DAD1: variants seen among roughly 807,000 people sequenced by gnomAD.
DAD1 encodes the protein dolichyl-diphosphooligosaccharide--protein glycosyltransferase subunit DAD1.
A neutral mutation model predicts 9.0 loss-of-function variants in DAD1; 4 were observed. That is an observed-to-expected ratio of 0.44 (90% CI 0.22 to 1.01). DAD1 has a LOEUF of 1.01. Among genes scored for constraint, DAD1 ranks in the 50% least tolerant of loss-of-function variants. The pLI is 0.24. For missense variants in DAD1, 119 were observed against 137.3 expected, an observed-to-expected ratio of 0.87 and a Z score of 0.67; for synonymous variants, 60 against 62.5, an observed-to-expected ratio of 0.96 and a Z score of 0.19.
At chr14:22,572,681 T>A (rs17119928) in intron 2 of DAD1, among the ~76,000 whole-genome samples, 4 of 152,172 alleles carry the variant, frequency 2.6e-5, no homozygotes, top group African/African-American at 7.2e-5. Flanking sequence ...CAGTAGAGTC[T>A]TCCTCCAATC....
chr14:22,568,117 G>GT (rs5742851), intron 2 of DAD1, among the ~76,000 whole-genome samples: 14,299 of 152,212 alleles, frequency 0.094, 1,239 homozygotes, highest in African/African-American at 0.23. Context: ...CTGTTATCCA[G>GT]TTCCCCCTCA....
At chr14:22,577,056 G>A (rs899565645) in intron 1 of DAD1, among the ~76,000 whole-genome samples, 7 of 152,140 alleles carry the variant, frequency 4.6e-5, no homozygotes, top group South Asian at 2.1e-4. Context: ...ACAGTACTGC[G>A]TTTCCTCAAA....
chr14:22,583,553 A>T (rs1434874481), intron 1 of DAD1, among the ~76,000 whole-genome samples: 2 of 152,182 alleles, frequency 1.3e-5, no homozygotes, highest in Admixed American at 6.5e-5. Context: ...TCTTTCAAGA[A>T]ATTCTGTAAT....
chr14:22,586,078 C>T (rs949971890), intron 1 of DAD1, among the ~76,000 whole-genome samples: 3 of 152,104 alleles, frequency 2.0e-5, no homozygotes, highest in South Asian at 2.1e-4. Context: ...TGGTGGCAGG[C>T]GCCTGCAGTC....
chr14:22,573,546 T>TA lies in DAD1; in HGVS notation c.*44+1512dup, dbSNP rs570492066. Among the ~76,000 whole-genome samples the TA allele has an allele frequency of 7.9e-4, 120 of 151,648 alleles. 1 individual carries two copies. Among genetic ancestry groups the TA allele is most frequent in the African/African-American group, 2.6e-3 (108 of 41,390 alleles). ...TAACACGGTGAAACTCCGTCTCTAC[T>TA]AAAAATACAAAAAATTAGCCGGGCG... On this transcript the variant is annotated intron_variant, in intron 2 of 2. Transcript: ENST00000250498.
At chr14:22,579,839 C>T (rs59328419) in intron 1 of DAD1, among the ~76,000 whole-genome samples, 15,078 of 105,132 alleles carry the variant, frequency 0.14, 857 homozygotes, top group South Asian at 0.23. Context: ...AAAAGCCAAT[C>T]CTTTTTTTTT....
chr14:22,582,440 C>T (rs979553206), intron 1 of DAD1, among the ~76,000 whole-genome samples: 3 of 151,066 alleles, frequency 2.0e-5, no homozygotes, highest in African/African-American at 7.3e-5. Context: ...AGGAGAATGG[C>T]GTGAACCCGG....
chr14:22,566,427 C>T (rs1174706328), intron 2 of DAD1, among the ~76,000 whole-genome samples: 3 of 152,132 alleles, frequency 2.0e-5, no homozygotes, highest in East Asian at 1.9e-4. Flanking sequence ...CTCCGCCTCC[C>T]GGGTTCAGGC....
intron 2 of DAD1, among the ~76,000 whole-genome samples, chr14:22,565,506 C>T (rs887048442): frequency 1.3e-5 from 2 of 152,102 alleles, no homozygotes; most frequent in Non-Finnish European, 2.9e-5. Flanking sequence ...ACCTAAAGAG[C>T]TTTCTGGAAT....
rs780304717 is a variant in DAD1 at position 22,588,978 on chromosome 14, G to T, written c.180C>A (p.Phe60Leu). Residue 60 changes from phenylalanine (F) to leucine (L), a missense_variant, in exon 1 of 3, where the codon TTC (phenylalanine) becomes TTA (leucine). By Grantham distance (22) the Phe-to-Leu change is conservative. Transcript: ENST00000250498. ...GGATGAAACTCCCCACACAAGAGAT[G>T]AAGCCCGAGAGAAAAGAGTTGAAGG... ...TFPFNSFLSGFISCVGSFILA... is the reference protein window; with the variant it reads ...TFPFNSFLSGLISCVGSFILA... 1.2e-6 allele frequency: 2 copies of T among 1,614,196 alleles called. No individual in the cohort carries two copies. The highest frequency in any genetic ancestry group is 2.2e-5 in the South Asian group (2 of 91,084).
At chr14:22,568,723 T>G (rs5742843) in intron 2 of DAD1, among the ~76,000 whole-genome samples, 14,021 of 147,392 alleles carry the variant, frequency 0.095, 1,196 homozygotes, top group African/African-American at 0.23. Context: ...TTGAGACAGG[T>G]TCTCACTCTG....
At chr14:22,588,762 A>G (rs2037171228) in intron 1 of DAD1, among the ~76,000 whole-genome samples, 185 bp downstream of exon 1, 2 of 152,184 alleles carry the variant, frequency 1.3e-5, no homozygotes, top group African/African-American at 4.8e-5. Context: ...ACTCCTACGG[A>G]GCCGTTTGGT....
chr14:22,572,024 G>A (rs1280718367), intron 2 of DAD1, among the ~76,000 whole-genome samples: 1 of 152,084 alleles, frequency 6.6e-6, no homozygotes, highest in African/African-American at 2.4e-5. Flanking sequence ...AAATGATATA[G>A]AACAAGAAGT....
intron 1 of DAD1, among the ~76,000 whole-genome samples, chr14:22,588,080 C>T (rs748634849): frequency 2.0e-5 from 3 of 152,180 alleles, no homozygotes; most frequent in Non-Finnish European, 4.4e-5. Context: ...CCCAACTAGA[C>T]CATAAACTCT....
At chr14:22,573,623 T>C (rs1314260100) in intron 2 of DAD1, among the ~76,000 whole-genome samples, 1 of 139,828 alleles carries the variant, frequency 7.2e-6, no homozygotes, top group Non-Finnish European at 1.5e-5. Context: ...GGCAGGAGAA[T>C]GGCATGAACT....
chr14:22,582,690 G>A (rs1031813397), intron 1 of DAD1, among the ~76,000 whole-genome samples: 2 of 151,976 alleles, frequency 1.3e-5, no homozygotes, highest in Non-Finnish European at 2.9e-5. Context: ...AAGGGACCCC[G>A]GAAACTTAAA....
At chr14:22,587,592 G>C (rs1029957908) in intron 1 of DAD1, among the ~76,000 whole-genome samples, 1 of 152,092 alleles carries the variant, frequency 6.6e-6, no homozygotes, top group Admixed American at 6.5e-5. Flanking sequence ...CCAATCAAAA[G>C]GCTAATCTGC....
At chr14:22,582,856 A>G (rs1203997901) in intron 1 of DAD1, among the ~76,000 whole-genome samples, 1 of 151,888 alleles carries the variant, frequency 6.6e-6, no homozygotes, top group Non-Finnish European at 1.5e-5. Flanking sequence ...AAATACAAAA[A>G]TTAGCCGGGC....
At chr14:22,580,686 A>T (rs958809326) in intron 1 of DAD1, among the ~76,000 whole-genome samples, 1 of 152,182 alleles carries the variant, frequency 6.6e-6, no homozygotes, top group Non-Finnish European at 1.5e-5. Flanking sequence ...TATGAATCAG[A>T]GTCCCACAAA....
Sources: gnomAD v4.1 joint callset for allele counts (sites outside exome capture counted in the v4.1 genomes callset) on GRCh38, gnomAD v4.1.1 for gene constraint, MANE v1.5 for transcripts, NCBI Gene and HGNC (gene_info 2026-07-23, HGNC 2026-07-21) for gene names.